The following MYG1 variants were observed in gnomAD, a reference collection of about 807,000 sequenced individuals.
MYG1 encodes the protein MYG1 exonuclease.
MYG1 carries 36 observed loss-of-function variants against 43.5 expected under a neutral mutation model. The ratio of observed to expected loss-of-function variants is 0.83; its 90% CI spans 0.63 to 1.09. The LOEUF (loss-of-function observed/expected upper bound fraction) is 1.09. Among genes scored for constraint, MYG1 ranks in the 50% least tolerant of loss-of-function variants. The pLI, the probability that MYG1 is intolerant of heterozygous loss-of-function variation, is 0.00. For missense variants in MYG1, 529 were observed against 495.1 expected (o/e 1.07, Z -0.65); for synonymous variants, 220 against 202.8 (o/e 1.08, Z -0.72).
At position 53,306,955 on chromosome 12, in the gene MYG1, T is replaced by G. The variant is rs770202277; in HGVS notation, c.948-11T>G. 3 of 1,612,684 alleles carry G rather than the reference T, an allele frequency of 1.9e-6. No homozygotes were observed. The highest frequency in any genetic ancestry group is 2.5e-6 in the Non-Finnish European group (3 of 1,179,102). On this transcript the variant is annotated splice_polypyrimidine_tract_variant and intron_variant, in intron 6 of 6. Coordinates refer to ENST00000267103, the MANE Select transcript of MYG1 (RefSeq NM_021640.4). ...ACTCTGACCCCTGCTGTACTCCCTC[T>G]TTCTGCCCAGGCTGCCCCTGCCAGA...
At chr12:53,306,525 G>A in intron 5 of MYG1, 155 bp from the exon 6 acceptor site, 3 of 1,078,232 alleles carry the variant, frequency 2.8e-6, no homozygotes, top group Admixed American at 2.7e-5. Context: ...TGTATTTTTT[G>A]TAGAGACAGG....
intron 4 of MYG1, 48 bp downstream of exon 4, chr12:53,306,108 G>T (rs566779163): frequency 8.1e-6 from 13 of 1,607,612 alleles, no homozygotes; most frequent in African/African-American, 1.3e-5. Context: ...AACCTTGGGT[G>T]GGGGGAAAAT....
chr12:53,303,394 T>C, intron 3 of MYG1: 1 of 566,026 alleles, frequency 1.8e-6, no homozygotes, highest in Non-Finnish European at 3.0e-6. Context: ...GGGGTGGTTG[T>C]GAGAAGTGGA....
At position 53,306,251 on chromosome 12, in the gene MYG1, A is replaced by C; in HGVS notation, c.696A>C (p.Leu232Phe). 6.2e-7 allele frequency: 1 copy of C among 1,614,242 alleles called. No homozygotes were observed. The highest frequency in any genetic ancestry group is 8.5e-7 in the Non-Finnish European group (1 of 1,180,040). The part of the protein sequence containing the change: ...DLVQEEFLQR[L>F]DFYQHSWLPA... ...TTCAAGAGGAGTTTCTGCAGAGATT[A>C]GATTTCTACCAACACAGCTGGCTGC... The change falls in exon 5 of 7, where the codon TTA becomes TTC. Residue 232 changes from leucine (L) to phenylalanine (F), a missense_variant. Physicochemically the swap from Leu to Phe is conservative, Grantham distance 22 (BLOSUM62 0). Coordinates refer to ENST00000267103, the MANE Select transcript of MYG1 (RefSeq NM_021640.4).
chr12:53,302,705 G>A (rs985721892), intron 2 of MYG1, among the ~76,000 whole-genome samples: 1 of 151,956 alleles, frequency 6.6e-6, no homozygotes, highest in African/African-American at 2.4e-5. Flanking sequence ...TCTCTGCTTG[G>A]AATGCTTTTT....
intron 3 of MYG1, 42 bp from the exon 4 acceptor site, chr12:53,305,866 T>G (rs1436651045): frequency 5.2e-6 from 8 of 1,545,694 alleles, no homozygotes; most frequent in Non-Finnish European, 7.0e-6. Context: ...TTCACATAAG[T>G]AGCAGGTAGC....
intron 1 of MYG1, 97 bp from the exon 2 acceptor site, chr12:53,300,053 C>A (rs536309702): frequency 6.5e-6 from 10 of 1,541,538 alleles, no homozygotes; most frequent in South Asian, 3.5e-5. Flanking sequence ...CCCGGCAGCC[C>A]AAGCACCCTT....
intron 5 of MYG1, 70 bp from the exon 6 acceptor site, chr12:53,306,610 T>C (rs1299201319): frequency 3.3e-6 from 5 of 1,507,530 alleles, no homozygotes; most frequent in African/African-American, 1.4e-5. Context: ...TCCCAAAATG[T>C]TGTGACTACA....
chr12:53,306,356 T>C (rs750707618), intron 5 of MYG1, 36 bp downstream of exon 5: 2 of 1,610,568 alleles, frequency 1.2e-6, no homozygotes, highest in South Asian at 2.2e-5. Flanking sequence ...GGCTTGAGGA[T>C]TACTGACTGC....
chr12:53,301,238 A>G (rs1443351847), intron 2 of MYG1, among the ~76,000 whole-genome samples: 2 of 152,114 alleles, frequency 1.3e-5, no homozygotes, highest in Admixed American at 1.3e-4. Flanking sequence ...TTCATGTCAC[A>G]GTTCCACTAG....
At chr12:53,304,869 T>TG (rs932810326) in intron 3 of MYG1, among the ~76,000 whole-genome samples, 2 of 118,976 alleles carry the variant, frequency 1.7e-5, no homozygotes, top group African/African-American at 6.0e-5. Flanking sequence ...ATGTTTTTTT[T>TG]TTTTTTTTTT....
At chr12:53,304,233 T>C (rs1273508004) in intron 3 of MYG1, among the ~76,000 whole-genome samples, 3 of 152,150 alleles carry the variant, frequency 2.0e-5, no homozygotes, top group Non-Finnish European at 4.4e-5. Flanking sequence ...CTGGGTCAGT[T>C]TTCCCTTCCA....
intron 3 of MYG1, 31 bp downstream of exon 3, chr12:53,303,224 C>T (rs756750270): frequency 1.2e-6 from 2 of 1,604,832 alleles, no homozygotes; most frequent in Admixed American, 1.7e-5. Context: ...ATGCCCCCCA[C>T]ATGCATTTCC....
chr12:53,299,714 C>A lies in MYG1; in HGVS notation c.-24C>A. 1 of 1,593,362 alleles carries A rather than the reference C, an allele frequency of 6.3e-7. No homozygotes were observed. The highest frequency in any genetic ancestry group is 1.7e-5 in the Admixed American group (1 of 57,784). On this transcript the variant is annotated 5_prime_UTR_variant, in exon 1 of 7. The change creates a new upstream start codon in the 5' untranslated region. Transcript: ENST00000267103. ...CGCTTCCTCTTCCGGGTCGGCGCTC[C>A]TGCCTCCCTGCAGGGAGCTGCTTAT...
chr12:53,300,755 G>A (rs993504535), intron 2 of MYG1, among the ~76,000 whole-genome samples: 1 of 152,060 alleles, frequency 6.6e-6, no homozygotes, highest in African/African-American at 2.4e-5. Flanking sequence ...CAAACTGAGT[G>A]TCCCTGCCTC....
intron 3 of MYG1, among the ~76,000 whole-genome samples, chr12:53,304,994 A>G (rs1292429679): frequency 6.7e-6 from 1 of 148,158 alleles, no homozygotes; most frequent in Non-Finnish European, 1.5e-5. Context: ...TCAGCCTCCC[A>G]AGTAGCTGGG....
At chr12:53,302,499 G>T (rs949360542) in intron 2 of MYG1, among the ~76,000 whole-genome samples, 1 of 152,070 alleles carries the variant, frequency 6.6e-6, no homozygotes, top group African/African-American at 2.4e-5. Context: ...TCTCCATGCT[G>T]GCTGGTGCAA....
At chr12:53,306,163 G>A (rs370222596) in intron 4 of MYG1, 35 bp from the exon 5 acceptor site, 30 of 1,613,512 alleles carry the variant, frequency 1.9e-5, no homozygotes, top group African/African-American at 1.5e-4. Flanking sequence ...CCAAGTTTGG[G>A]CCAGCATCAT....
chr12:53,299,877 T>G lies in MYG1; in HGVS notation c.140T>G (p.Ile47Ser). ...SRSKLMAPPR[I>S]GTHNGTFHCD... ...AGCAAACTCATGGCACCGCCCCGAA[T>G]CGGGACGCACAATGGCACCTTCCAC... is the stretch of plus-strand genomic sequence containing the variant. Residue 47 changes from isoleucine (I) to serine (S), a missense_variant, in exon 1 of 7, where the codon ATC becomes AGC. Physicochemically the swap from Ile to Ser is moderately radical, Grantham distance 142. Coordinates refer to ENST00000267103, the MANE Select transcript of MYG1 (RefSeq NM_021640.4). The G allele has an allele frequency of 6.2e-7, 1 of 1,614,136 alleles. No homozygotes were observed. The highest frequency in any genetic ancestry group is 8.5e-7 in the Non-Finnish European group (1 of 1,180,030).
Sources: allele counts gnomAD v4.1 joint callset (sites outside exome capture counted in the v4.1 genomes callset), GRCh38; gene constraint gnomAD v4.1.1; transcripts MANE v1.5; gene names NCBI Gene and HGNC (gene_info 2026-07-23, HGNC 2026-07-21).